CNTNAP2: variants seen among roughly 807,000 people sequenced by gnomAD.
CNTNAP2 encodes the protein contactin-associated protein-like 2.
Under a neutral mutation model 155.2 loss-of-function variants are expected in CNTNAP2, and 98 were observed. That is an observed-to-expected ratio of 0.63 (90% confidence interval 0.54 to 0.75). The LOEUF is 0.75. CNTNAP2 is among the 30% of genes least tolerant of loss of function. CNTNAP2 has a pLI of 0.00. For missense variants in CNTNAP2, 1,727 were observed against 1,688.1 expected (o/e 1.02, Z -0.40); for synonymous variants, 651 against 631.2 (o/e 1.03, Z -0.47).
At chr7:147,577,130 G>A (rs934866381) in intron 12 of CNTNAP2, among the ~76,000 whole-genome samples, 2 of 152,054 alleles carry the variant, frequency 1.3e-5, no homozygotes, top group African/African-American at 4.8e-5. Context: ...CCAGCATGTT[G>A]CTTAGTTGTA....
At chr7:146,662,078 TTGCCATCCTTATC>T (rs902702078) in intron 1 of CNTNAP2, among the ~76,000 whole-genome samples, 25 of 152,184 alleles carry the variant, frequency 1.6e-4, no homozygotes, top group Non-Finnish European at 2.5e-4. Context: ...ATGTGTGTGT[TTGCCATCCTTATC>T]TGCCATCCTT....
intron 15 of CNTNAP2, among the ~76,000 whole-genome samples, chr7:148,018,333 A>G (rs1000108079): frequency 6.6e-6 from 1 of 152,156 alleles, no homozygotes; most frequent in Non-Finnish European, 1.5e-5. Context: ...ATTTCAGTTT[A>G]TTTATTTATA....
chr7:147,523,031 G>T (rs1011960593), intron 11 of CNTNAP2, among the ~76,000 whole-genome samples: 5 of 152,192 alleles, frequency 3.3e-5, no homozygotes, highest in Non-Finnish European at 7.3e-5. Flanking sequence ...CACAGTGTCT[G>T]TGGGTCAAGA....
At chr7:147,688,299 A>T (rs1796042967) in intron 13 of CNTNAP2, among the ~76,000 whole-genome samples, 1 of 151,980 alleles carries the variant, frequency 6.6e-6, no homozygotes. Flanking sequence ...GTTTAATTTT[A>T]AAAAGCAAAG....
intron 1 of CNTNAP2, among the ~76,000 whole-genome samples, chr7:146,309,896 A>T (rs1050342898): frequency 1.3e-5 from 2 of 152,054 alleles, no homozygotes; most frequent in African/African-American, 4.8e-5. Context: ...AGAATTTAAC[A>T]ATTTGAACAA....
At chr7:146,941,759 A>G (rs190708455) in intron 3 of CNTNAP2, among the ~76,000 whole-genome samples, 2 of 151,864 alleles carry the variant, frequency 1.3e-5, no homozygotes, top group Admixed American at 1.3e-4. Context: ...TTTCCTGGGT[A>G]TGCTACTCTT....
chr7:147,509,754 C>T (rs562018807), intron 11 of CNTNAP2, among the ~76,000 whole-genome samples: 34 of 151,920 alleles, frequency 2.2e-4, no homozygotes, highest in Admixed American at 3.9e-4. Context: ...TAAAGTTAGT[C>T]TTTGATATAA....
intron 12 of CNTNAP2, among the ~76,000 whole-genome samples, chr7:147,612,918 A>C (rs1181848601): frequency 1.3e-5 from 2 of 152,174 alleles, no homozygotes; most frequent in Non-Finnish European, 2.9e-5. Context: ...TTGTATAACC[A>C]TAGCTCAACT....
intron 13 of CNTNAP2, among the ~76,000 whole-genome samples, chr7:147,853,435 G>C (rs190829167): frequency 1.3e-5 from 2 of 152,258 alleles, no homozygotes; most frequent in Admixed American, 1.3e-4. Flanking sequence ...GTTTTCTTGA[G>C]TAGATTAACT....
chr7:146,576,949 T>G (rs1391528471), intron 1 of CNTNAP2, among the ~76,000 whole-genome samples: 2 of 152,194 alleles, frequency 1.3e-5, no homozygotes, highest in Admixed American at 6.5e-5. Flanking sequence ...CTACACATGA[T>G]ACATCATTAC....
chr7:148,046,599 A>G (rs979848002), intron 15 of CNTNAP2, among the ~76,000 whole-genome samples: 4 of 152,192 alleles, frequency 2.6e-5, no homozygotes, highest in Admixed American at 6.5e-5. Flanking sequence ...GTAGGTGGCT[A>G]TATCATTGCC....
At chr7:147,483,615 A>C (rs950999401) in intron 10 of CNTNAP2, among the ~76,000 whole-genome samples, 5 of 152,218 alleles carry the variant, frequency 3.3e-5, no homozygotes, top group Non-Finnish European at 7.3e-5. Context: ...GATGTAAATT[A>C]CTTTCAATAT....
intron 3 of CNTNAP2, among the ~76,000 whole-genome samples, chr7:146,846,506 G>A (rs1803844974): frequency 6.6e-6 from 1 of 152,010 alleles, no homozygotes; most frequent in South Asian, 2.1e-4. Context: ...TATTTTTAAA[G>A]TCTCATGAAT....
intron 18 of CNTNAP2, among the ~76,000 whole-genome samples, chr7:148,181,741 C>CTTTTTTTTTTTTTT (rs71527884): frequency 1.2e-4 from 6 of 48,662 alleles, no homozygotes; most frequent in African/African-American, 1.8e-4. Context: ...AGTGTGTGCC[C>CTTTTTTTTTTTTTT]TTTTTTTTTT....
intron 18 of CNTNAP2, among the ~76,000 whole-genome samples, chr7:148,193,746 T>G (rs1795234311): frequency 6.6e-6 from 1 of 152,032 alleles, no homozygotes; most frequent in East Asian, 1.9e-4. Flanking sequence ...TCAGTCATAG[T>G]TCATCTTCTG....
At chr7:147,802,528 C>T (rs1427994288) in intron 13 of CNTNAP2, among the ~76,000 whole-genome samples, 1 of 152,218 alleles carries the variant, frequency 6.6e-6, no homozygotes, top group Non-Finnish European at 1.5e-5. Flanking sequence ...AATCCTGGCA[C>T]CTCGGGAGGC....
chr7:147,390,027 T>C (rs1271428306), intron 9 of CNTNAP2, among the ~76,000 whole-genome samples: 2 of 152,172 alleles, frequency 1.3e-5, no homozygotes, highest in Non-Finnish European at 2.9e-5. Context: ...GAGTAGTCAC[T>C]GAAGGTATCA....
chr7:146,241,835 C>G (rs552191438), intron 1 of CNTNAP2, among the ~76,000 whole-genome samples: 1 of 144,172 alleles, frequency 6.9e-6, no homozygotes, highest in East Asian at 1.9e-4. Context: ...CACACACACA[C>G]ACAAACACAC....
At chr7:147,623,215 C>G (rs1220099511) in intron 12 of CNTNAP2, among the ~76,000 whole-genome samples, 2 of 152,076 alleles carry the variant, frequency 1.3e-5, no homozygotes, top group African/African-American at 4.8e-5. Context: ...TGCCTACTTT[C>G]ACCACTGTTA....
Sources: allele counts gnomAD v4.1 joint callset (sites outside exome capture counted in the v4.1 genomes callset), GRCh38; gene constraint gnomAD v4.1.1; transcripts MANE v1.5; gene names NCBI Gene and HGNC (gene_info 2026-07-23, HGNC 2026-07-21).